The following SCN11A variants were observed in gnomAD, a reference collection of about 807,000 sequenced individuals.
SCN11A encodes the protein sodium voltage-gated channel alpha subunit 11, also known as sodium channel protein type 11 subunit alpha.
In SCN11A, 122 loss-of-function variants were observed where a neutral mutation model predicts 162.2. The ratio of observed to expected loss-of-function variants is 0.75; its 90% CI spans 0.65 to 0.87. The LOEUF is 0.87. SCN11A is among the 40% of genes least tolerant of loss of function. The probability of loss-of-function intolerance (pLI) is 0.00; values close to 1 mark genes in which losing one functional copy is unlikely to be tolerated. For synonymous variants in SCN11A, 758 were observed against 751.5 expected, an observed-to-expected ratio of 1.01 and a Z score of -0.14; for missense variants, 2,015 against 2,181.6, an observed-to-expected ratio of 0.92 and a Z score of 1.52.
Position 38,847,411 on chromosome 3 carries a change from C to G in SCN11A, c.4659G>C (p.Trp1553Cys), listed in dbSNP as rs749565386. The G allele has an allele frequency of 1.2e-6, 2 of 1,613,918 alleles. No individual in the cohort carries two copies. The highest frequency in any genetic ancestry group is 2.7e-5 in the African/African-American group (2 of 74,908). The change falls in exon 30 of 30, where the codon TGG becomes TGC. Residue 1553 changes from tryptophan to cysteine, a missense_variant. Physicochemically the swap from Trp to Cys is radical, Grantham distance 215 (BLOSUM62 -2). Transcript: ENST00000302328. ...GCAGCATGGGGCTGAGCAGGGAATC[C>G]CAACCTGCTGATGTGCTTATCTGGA... is the stretch of plus-strand genomic sequence containing the variant. Reference protein sequence around the residue: ...CLFQISTSAGWDSLLSPMLRS... With the variant: ...CLFQISTSAGCDSLLSPMLRS...
chr3:38,877,034 ATATATATGGTGTATATACTATATATATGG>A (rs2065220595), intron 23 of SCN11A, among the ~76,000 whole-genome samples: 1 of 38,186 alleles, frequency 2.6e-5, no homozygotes, highest in Admixed American at 3.2e-4. Context: ...TATATATGGT[ATATATATGGTGTATATACTATATATATGG>A]TATATATATG....
intron 7 of SCN11A, among the ~76,000 whole-genome samples, chr3:38,934,119 A>C (rs1018703541): frequency 5.9e-5 from 9 of 152,358 alleles, no homozygotes; most frequent in Non-Finnish European, 1.2e-4. Context: ...ATATCCAGAC[A>C]AACTAAGCTT....
At chr3:39,007,472 G>A (rs2125601090) in intron 2 of SCN11A, among the ~76,000 whole-genome samples, 1 of 152,286 alleles carries the variant, frequency 6.6e-6, no homozygotes, top group East Asian at 1.9e-4. Context: ...TCCCTGGATA[G>A]CCTCAGGATA....
intron 17 of SCN11A, among the ~76,000 whole-genome samples, chr3:38,897,889 C>T (rs1017481672): frequency 2.0e-5 from 3 of 152,068 alleles, no homozygotes; most frequent in Non-Finnish European, 4.4e-5. Context: ...CAGTCCATTG[C>T]CTATTTTTGT....
At chr3:38,987,655 A>T (rs2030304652) in intron 2 of SCN11A, among the ~76,000 whole-genome samples, 1 of 152,180 alleles carries the variant, frequency 6.6e-6, no homozygotes, top group Non-Finnish European at 1.5e-5. Flanking sequence ...CTCGTTCTGG[A>T]CACTGGCACT....
Position 38,946,821 on chromosome 3 carries a change from G to A in SCN11A, c.354C>T (p.Ile118=). Reference sequence around the variant, plus strand: ...CTGAGACTCTAATGGCTAAACTTCTGATTGAATTGAAAGGCCCAAAAATGA... The same window carrying A: ...CTGAGACTCTAATGGCTAAACTTCTAATTGAATTGAAAGGCCCAAAAATGA... The part of the protein sequence containing the change: ...ALFIFGPFNS[I]RSLAIRVSVH... The change falls in exon 6 of 30, where the codon ATC becomes ATT. Residue 118 remains isoleucine (I), a synonymous_variant. Transcript: ENST00000302328. The A allele has an allele frequency of 6.2e-7, 1 of 1,613,322 alleles. No individual in the cohort carries two copies. Among genetic ancestry groups the A allele is most frequent in the Non-Finnish European group, 8.5e-7 (1 of 1,179,344 alleles).
chr3:38,929,131 G>GCGCGCGCACACACA (rs774058202), intron 7 of SCN11A, among the ~76,000 whole-genome samples: 2 of 36,994 alleles, frequency 5.4e-5, no homozygotes, highest in African/African-American at 1.4e-4. Context: ...CTGGGTCTGT[G>GCGCGCGCACACACA]CACGCACACA....
At chr3:38,993,853 A>T (rs2030528666) in intron 2 of SCN11A, among the ~76,000 whole-genome samples, 1 of 152,082 alleles carries the variant, frequency 6.6e-6, no homozygotes, top group African/African-American at 2.4e-5. Flanking sequence ...GGGAACTTGG[A>T]GTAGGGGGCT....
chr3:38,866,880 C>T (rs1575221822), intron 27 of SCN11A, among the ~76,000 whole-genome samples: 1 of 152,198 alleles, frequency 6.6e-6, no homozygotes, highest in East Asian at 1.9e-4. Context: ...GTGGATAGAT[C>T]TGCTGAGGCT....
At chr3:38,863,365 T>G (rs962071076) in intron 27 of SCN11A, 66 bp from the exon 28 acceptor site, 2 of 784,800 alleles carry the variant, frequency 2.5e-6, no homozygotes, top group Non-Finnish European at 4.3e-6. Context: ...TCTGAATTTT[T>G]TGACACAATT....
At chr3:38,949,313 T>C (rs937710849) in intron 5 of SCN11A, among the ~76,000 whole-genome samples, 1 of 152,204 alleles carries the variant, frequency 6.6e-6, no homozygotes, top group African/African-American at 2.4e-5. Flanking sequence ...ATGTGGGAGC[T>C]CAAAGTTTAC....
rs200287177 is a variant in SCN11A, at chr3:38,847,111, C to T, written c.4959G>A (p.Leu1653=). The change falls in exon 30 of 30, where the codon TTG becomes TTA. Residue 1653 remains leucine, a synonymous_variant. Coordinates refer to ENST00000302328, the MANE Select transcript of SCN11A (RefSeq NM_001349253.2). ...YSALSDFADA[L]PEPLRVAKPN... ...GCTTTGCGACACGCAAAGGCTCAGG[C>T]AAGGCATCAGCAAAGTCAGAAAGGG... is the stretch of plus-strand genomic sequence containing the variant. 6.4e-5 allele frequency: 103 copies of T among 1,614,054 alleles called. No homozygotes were observed. The highest frequency in any genetic ancestry group is 8.3e-5 in the Non-Finnish European group (98 of 1,180,044).
rs1575323721 is a variant in SCN11A, at chr3:38,945,456, G to A, written c.443C>T (p.Thr148Ile). The A allele has an allele frequency of 1.2e-6, 2 of 1,603,472 alleles. No individual in the cohort carries two copies. Among genetic ancestry groups the A allele is most frequent in the African/African-American group, 2.7e-5 (2 of 74,646 alleles). ...ACTGTTGCTGTTTTTAGCAGGCCCT[G>A]TAGCCATGAACACGCAGTTGATGAT... ...TVIINCVFMA[T>I]GPAKNSNSNN... Residue 148 changes from threonine (T) to isoleucine (I), a missense_variant, in exon 7 of 30, where the codon ACA becomes ATA. Coordinates refer to ENST00000302328, the MANE Select transcript of SCN11A (RefSeq NM_001349253.2).
At chr3:38,951,510 C>T (rs973129939) in intron 4 of SCN11A, among the ~76,000 whole-genome samples, 1 of 152,244 alleles carries the variant, frequency 6.6e-6, no homozygotes, top group Non-Finnish European at 1.5e-5. Flanking sequence ...CCAGTCCCAT[C>T]GACCGCCCAA....
At chr3:38,998,646 T>C (rs2030715685) in intron 2 of SCN11A, among the ~76,000 whole-genome samples, 1 of 152,044 alleles carries the variant, frequency 6.6e-6, no homozygotes, top group Non-Finnish European at 1.5e-5. Context: ...AGCAAAGACT[T>C]GGAACCAACC....
rs183937801 is a variant in SCN11A at position 39,013,809 on chromosome 3, A to T, written c.-280+18571T>A. Among the ~76,000 whole-genome samples, 3 of 152,362 alleles carry T rather than the reference A, an allele frequency of 2.0e-5. No homozygotes were observed. The East Asian group carries it at 5.8e-4, about 29-fold the overall frequency. ...AATCTAAGATCTCCAAGGGATATGC[A>T]GCAACAGCAGGTCTGGCTGTATCTT... On this transcript the variant is annotated intron_variant, in intron 2 of 29. Transcript: ENST00000302328.
At chr3:38,903,207 T>A (rs1232624509) in intron 16 of SCN11A, among the ~76,000 whole-genome samples, 1 of 152,202 alleles carries the variant, frequency 6.6e-6, no homozygotes, top group Non-Finnish European at 1.5e-5. Flanking sequence ...TTGTTGTTTC[T>A]GATATTCGAG....
chr3:38,872,114 T>C, intron 24 of SCN11A, 79 bp downstream of exon 24: 1 of 892,924 alleles, frequency 1.1e-6, no homozygotes, highest in Non-Finnish European at 1.9e-6. Flanking sequence ...TTTAAGGAAA[T>C]CTCAGCCCAA....
intron 2 of SCN11A, among the ~76,000 whole-genome samples, chr3:39,013,586 G>C (rs1209862692): frequency 2.0e-5 from 3 of 152,158 alleles, no homozygotes; most frequent in African/African-American, 7.2e-5. Context: ...ACAAGCACAG[G>C]ATCAGCATAG....
Sources: allele counts gnomAD v4.1 joint callset (sites outside exome capture counted in the v4.1 genomes callset), GRCh38; gene constraint gnomAD v4.1.1; transcripts MANE v1.5; gene names NCBI Gene and HGNC (gene_info 2026-07-23, HGNC 2026-07-21).